The following KCNN2 variants were observed in gnomAD, a reference collection of about 807,000 sequenced individuals.
KCNN2 encodes the protein small conductance calcium-activated potassium channel protein 2.
KCNN2 carries 24 observed loss-of-function variants against 55.5 expected under a neutral mutation model. The observed-to-expected ratio is 0.43, with a 90% CI of 0.31 to 0.61. The LOEUF is 0.61. Ranked by LOEUF, KCNN2 falls within the 20% of genes least tolerant of loss-of-function variation. KCNN2 has a pLI of 0.08. For synonymous variants in KCNN2, 431 were observed against 336.1 expected (o/e 1.28, Z -3.09); for missense variants, 754 against 853.6 (o/e 0.88, Z 1.45).
intron 1 of KCNN2, among the ~76,000 whole-genome samples, chr5:114,082,473 C>T (rs563824909): frequency 1.3e-5 from 2 of 152,282 alleles, no homozygotes; most frequent in South Asian, 4.1e-4. Flanking sequence ...AATAGGAACT[C>T]TTCTGCAGTG....
chr5:114,310,694 A>G (rs139387339), intron 2 of KCNN2, among the ~76,000 whole-genome samples: 4 of 152,288 alleles, frequency 2.6e-5, no homozygotes, highest in Non-Finnish European at 4.4e-5. Flanking sequence ...TTCGTAATTT[A>G]TAAGTTCTTA....
intron 2 of KCNN2, among the ~76,000 whole-genome samples, chr5:114,269,113 T>G (rs917909842): frequency 1.3e-5 from 2 of 151,762 alleles, no homozygotes; most frequent in East Asian, 3.9e-4. Flanking sequence ...TTCTTAGGAG[T>G]GTTCTCTCTC....
chr5:114,199,668 A>C (rs548528207), intron 1 of KCNN2, among the ~76,000 whole-genome samples: 14 of 150,380 alleles, frequency 9.3e-5, no homozygotes, highest in African/African-American at 3.2e-4. Flanking sequence ...CATGTTTGAG[A>C]CTCCTTTAGA....
chr5:114,234,987 A>G (rs1230300302), intron 2 of KCNN2, among the ~76,000 whole-genome samples: 1 of 152,176 alleles, frequency 6.6e-6, no homozygotes, highest in Non-Finnish European at 1.5e-5. Context: ...TTTGGGGGCT[A>G]TGGGAAACTG....
intron 6 of KCNN2, among the ~76,000 whole-genome samples, chr5:114,492,016 A>G (rs985074004): frequency 6.6e-6 from 1 of 152,182 alleles, no homozygotes; most frequent in Admixed American, 6.5e-5. Flanking sequence ...GTAATAGCAT[A>G]AAAAGGAGCC....
Position 114,256,546 on chromosome 5 carries a change from T to C in KCNN2, c.-185+34981T>C, listed in dbSNP as rs1256247592. ...GCATCCTTGCCAACATCTTTTGTTT[T>C]TTGACTTTGTAATCATAACCTTTCT... On this transcript the variant is annotated intron_variant, in intron 2 of 10. Transcript: ENST00000512097. 8.5e-5 allele frequency among the ~76,000 whole-genome samples: 13 copies of C among 152,342 alleles called. No individual in the cohort carries two copies. The East Asian group carries it at 1.5e-3, about 18-fold the overall frequency.
At chr5:114,165,458 A>T (rs73779730) in intron 1 of KCNN2, among the ~76,000 whole-genome samples, 1,538 of 152,290 alleles carry the variant, frequency 0.01, 23 homozygotes, top group African/African-American at 0.035. Flanking sequence ...GTGAAACAAT[A>T]AATTGGTTTA....
chr5:114,281,334 A>G (rs527701842), intron 2 of KCNN2, among the ~76,000 whole-genome samples: 38 of 152,298 alleles, frequency 2.5e-4, no homozygotes, highest in Non-Finnish European at 4.0e-4. Flanking sequence ...GAATAAATAA[A>G]TGGCTATAGT....
intron 1 of KCNN2, among the ~76,000 whole-genome samples, chr5:114,165,681 G>GT (rs1036159834): frequency 1.3e-5 from 2 of 152,052 alleles, no homozygotes; most frequent in Middle Eastern, 3.4e-3. Flanking sequence ...ATTTGGTTAA[G>GT]TTTTTTTGGA....
chr5:114,229,881 G>A (rs565554426), intron 2 of KCNN2, among the ~76,000 whole-genome samples: 9 of 152,262 alleles, frequency 5.9e-5, no homozygotes, highest in African/African-American at 2.2e-4. Flanking sequence ...GGCTGAAACA[G>A]AAACAAACCC....
At chr5:114,152,389 A>G (rs1752546333) in intron 1 of KCNN2, among the ~76,000 whole-genome samples, 1 of 152,224 alleles carries the variant, frequency 6.6e-6, no homozygotes, top group East Asian at 1.9e-4. Context: ...GTTGAAAATC[A>G]CCAAATAAAC....
At chr5:114,286,008 G>T (rs114151512) in intron 2 of KCNN2, among the ~76,000 whole-genome samples, 2 of 150,240 alleles carry the variant, frequency 1.3e-5, no homozygotes, top group African/African-American at 4.9e-5. Context: ...CAACCTCCTC[G>T]TCCTGGGTTC....
rs1169307702 is a variant in KCNN2 at position 114,303,023 on chromosome 5, C to T, written c.-184-57922C>T. 2.0e-5 allele frequency among the ~76,000 whole-genome samples: 3 copies of T among 152,104 alleles called. No individual in the cohort carries two copies. The East Asian group carries it at 5.8e-4, about 29-fold the overall frequency. On this transcript the variant is annotated intron_variant, in intron 2 of 10. Transcript: ENST00000512097. ...AGCAAAGCCCAGAGGCAGTAAACTT[C>T]GATATACGTCGATGTACTGAAAACA...
At chr5:114,478,217 C>G (rs1175723432) in intron 5 of KCNN2, among the ~76,000 whole-genome samples, 1 of 152,036 alleles carries the variant, frequency 6.6e-6, no homozygotes, top group East Asian at 1.9e-4. Flanking sequence ...AAAAAAGCCT[C>G]TGAGAAAGCA....
chr5:114,484,382 G>A (rs1336444051), intron 5 of KCNN2, among the ~76,000 whole-genome samples: 1 of 152,102 alleles, frequency 6.6e-6, no homozygotes, highest in Non-Finnish European at 1.5e-5. Context: ...TACTATTTGG[G>A]TGATTATTAC....
intron 2 of KCNN2, among the ~76,000 whole-genome samples, chr5:114,312,432 CACATATATATATATATATAT>C (rs1467348705): frequency 7.8e-4 from 15 of 19,310 alleles, no homozygotes; most frequent in African/African-American, 2.5e-3. Context: ...CACACACACA[CACATATATATATATATATAT>C]ATATATATAT....
chr5:114,083,890 A>G (rs1037801777), intron 1 of KCNN2, among the ~76,000 whole-genome samples: 2 of 151,956 alleles, frequency 1.3e-5, no homozygotes, highest in African/African-American at 4.8e-5. Context: ...TCTTTTTACC[A>G]TCTCTGTAGT....
chr5:114,242,396 A>G (rs1382298958), intron 2 of KCNN2, among the ~76,000 whole-genome samples: 2 of 152,178 alleles, frequency 1.3e-5, no homozygotes, highest in Non-Finnish European at 2.9e-5. Context: ...CATAGTTTTG[A>G]CCCAGAAATC....
Position 114,074,329 on chromosome 5 carries a change from T to TGTGTGTGTGTGC in KCNN2, c.-271+17830_-271+17831insTGTGTGTGTGCG, listed in dbSNP as rs1200712655. Among the ~76,000 whole-genome samples the TGTGTGTGTGTGC allele has an allele frequency of 4.1e-3, 571 of 138,700 alleles. 5 individuals carry two copies. Among genetic ancestry groups the TGTGTGTGTGTGC allele is most frequent in the African/African-American group, 0.016 (542 of 34,728 alleles). The allele number at this position is 138,700 out of a possible 152,430, so 91.0% of individuals were successfully genotyped here. On this transcript the variant is annotated intron_variant, in intron 1 of 10. Coordinates refer to the KCNN2 transcript ENST00000512097. ...GTGTGTGTGTGTGTGTGTGTGTGTG[T>TGTGTGTGTGTGC]GCGCGCGCGCGCCAGAGAGAAAGAG... is the stretch of plus-strand genomic sequence containing the variant.
Sources: allele counts gnomAD v4.1 joint callset (sites outside exome capture counted in the v4.1 genomes callset), GRCh38; gene constraint gnomAD v4.1.1; transcripts MANE v1.5; gene names NCBI Gene and HGNC (gene_info 2026-07-23, HGNC 2026-07-21).